Variants in LTA4H observed in about 807,000 individuals in gnomAD.
LTA4H encodes the protein leukotriene A4 hydrolase.
A neutral mutation model predicts 89.8 loss-of-function variants in LTA4H; 59 were observed. That is an observed-to-expected ratio of 0.66 (90% CI 0.53 to 0.82). The LOEUF is 0.82. Among genes scored for constraint, LTA4H ranks in the 40% least tolerant of loss-of-function variants. The probability of loss-of-function intolerance (pLI) is 0.00; values close to 1 mark genes in which losing one functional copy is unlikely to be tolerated. For missense variants in LTA4H, 617 were observed against 727.0 expected (o/e 0.85, Z 1.74); for synonymous variants, 227 against 253.1 (o/e 0.90, Z 0.98).
intron 1 of LTA4H, among the ~76,000 whole-genome samples, chr12:96,042,423 T>C (rs1950694813): frequency 6.6e-6 from 1 of 151,918 alleles, no homozygotes; most frequent in South Asian, 2.1e-4. Flanking sequence ...AGGCCTTTCC[T>C]GAACCTTAAA....
intron 16 of LTA4H, 144 bp downstream of exon 16, chr12:96,006,170 C>T (rs1286504333): frequency 5.6e-6 from 3 of 535,628 alleles, no homozygotes; most frequent in East Asian, 2.9e-5. Flanking sequence ...GCATTCAATG[C>T]TTTTTTAAAG....
intron 3 of LTA4H, chr12:96,025,405 G>A (rs1950502526): frequency 1.3e-5 from 2 of 152,202 alleles, no homozygotes; most frequent in Non-Finnish European, 2.9e-5. Flanking sequence ...AGCAAACCTT[G>A]TAAGTAAAAC....
chr12:96,030,307 T>C (rs867406057), intron 1 of LTA4H, among the ~76,000 whole-genome samples: 6 of 152,202 alleles, frequency 3.9e-5, no homozygotes, highest in Admixed American at 6.5e-5. Context: ...TGCCATATCC[T>C]TCACTCCCTA....
upstream of LTA4H, among the ~76,000 whole-genome samples, chr12:96,037,050 C>T (rs1463367683): frequency 6.6e-6 from 1 of 152,258 alleles, no homozygotes; most frequent in East Asian, 1.9e-4. Context: ...CACCTCCCAC[C>T]AGGCCCTACC....
At chr12:96,010,835 T>G (rs1340450795) in intron 14 of LTA4H, 2 of 152,182 alleles carry the variant, frequency 1.3e-5, no homozygotes, top group Non-Finnish European at 2.9e-5. Flanking sequence ...TGTGAAGATG[T>G]GATACTGAAC....
chr12:96,013,956 A>T, intron 12 of LTA4H, 103 bp from the exon 13 acceptor site: 1 of 592,278 alleles, frequency 1.7e-6, no homozygotes, highest in East Asian at 2.9e-5. Context: ...AACAGAGAAC[A>T]TTCAGAGAAT....
chr12:96,014,047 T>C (rs919534619), intron 12 of LTA4H, 194 bp from the exon 13 acceptor site: 1 of 459,886 alleles, frequency 2.2e-6, no homozygotes, highest in Non-Finnish European at 3.8e-6. Flanking sequence ...GAAGAATATA[T>C]GTAATTCAGT....
chr12:96,035,506 A>G lies in LTA4H; in HGVS notation c.14T>C (p.Val5Ala). Reference protein sequence around the residue: MPEIVDTCSLASPAS... With the variant: MPEIADTCSLASPAS... ...CGGAGAGGCCAACGAACAGGTATCCACTATCTCGGGCATGGCTCTGGGGGA... is the reference window on the plus strand; with the variant it reads ...CGGAGAGGCCAACGAACAGGTATCCGCTATCTCGGGCATGGCTCTGGGGGA... The change falls in exon 1 of 19, where the codon GTG (valine) becomes GCG (alanine). Residue 5 changes from valine to alanine, a missense_variant. Transcript: ENST00000228740. 3 of 1,606,410 alleles carry G rather than the reference A, an allele frequency of 1.9e-6. No individual in the cohort carries two copies. The highest frequency in any genetic ancestry group is 2.6e-6 in the Non-Finnish European group (3 of 1,176,436).
upstream of LTA4H, among the ~76,000 whole-genome samples, chr12:96,040,332 A>G (rs1228250140): frequency 1.3e-5 from 2 of 152,208 alleles, no homozygotes; most frequent in African/African-American, 2.4e-5. Context: ...CTGGCATGAT[A>G]GAGATCATTA....
Position 96,001,024 on chromosome 12 carries a change from C to T in LTA4H, c.1801G>A (p.Ala601Thr), listed in dbSNP as rs760949724. 1 of 1,613,844 alleles carries T rather than the reference C, an allele frequency of 6.2e-7. No homozygotes were observed. The highest frequency in any genetic ancestry group is 1.7e-5 in the Admixed American group (1 of 60,018). Reference protein sequence around the residue: ...EHKASMHPVTAMLVGKDLKVD With the variant: ...EHKASMHPVTTMLVGKDLKVD ...TTTAAGTCTTTCCCCACCAGCATTG[C>T]AGTCACGGGATGCATGCTTGCTTTG... Residue 601 changes from alanine (A) to threonine (T), a missense_variant, in exon 19 of 19, where the codon GCA (alanine) becomes ACA (threonine). This residue lies in a region of LTA4H where 290 missense variants were observed against 339.1 expected (regional missense o/e 0.86). Coordinates refer to ENST00000228740, the MANE Select transcript of LTA4H (RefSeq NM_000895.3).
chr12:96,040,841 G>C (rs536623368), intron 1 of LTA4H, among the ~76,000 whole-genome samples: 1 of 152,346 alleles, frequency 6.6e-6, no homozygotes, highest in African/African-American at 2.4e-5. Flanking sequence ...GGTCTCAGTT[G>C]GGTGAGTTTA....
At chr12:96,031,395 T>C (rs903720696) in intron 1 of LTA4H, among the ~76,000 whole-genome samples, 1 of 152,190 alleles carries the variant, frequency 6.6e-6, no homozygotes, top group African/African-American at 2.4e-5. Flanking sequence ...TGCAAACTAC[T>C]TTTTAAAATT....
At chr12:96,025,025 C>T (rs544020033) in intron 3 of LTA4H, among the ~76,000 whole-genome samples, 1 of 152,258 alleles carries the variant, frequency 6.6e-6, no homozygotes, top group African/African-American at 2.4e-5. Context: ...ATCAGATTTT[C>T]CATTTTAATC....
chr12:96,004,644 T>A lies in LTA4H; in HGVS notation c.1531-724A>T, dbSNP rs575259008. Among the ~76,000 whole-genome samples, 4 of 152,302 alleles carry A rather than the reference T, an allele frequency of 2.6e-5. No individual in the cohort carries two copies. In the South Asian group the frequency reaches 8.3e-4, roughly 32 times the overall value. On this transcript the variant is annotated intron_variant, in intron 16 of 18. Coordinates refer to ENST00000228740, the MANE Select transcript of LTA4H (RefSeq NM_000895.3). ...AGAGGCAGAGGTGCCTCTAGGTAGATGATAACTCTCCCCTCCAACCACGAC... is the reference window on the plus strand; with the variant it reads ...AGAGGCAGAGGTGCCTCTAGGTAGAAGATAACTCTCCCCTCCAACCACGAC...
At chr12:96,038,920 A>G (rs1158592023), upstream of LTA4H, among the ~76,000 whole-genome samples, 2 of 151,586 alleles carry the variant, frequency 1.3e-5, no homozygotes, top group Non-Finnish European at 2.9e-5. Flanking sequence ...AAATTCCTCC[A>G]TTAATATATT....
At chr12:96,006,840 C>T (rs1230508136) in intron 15 of LTA4H, among the ~76,000 whole-genome samples, 1 of 152,030 alleles carries the variant, frequency 6.6e-6, no homozygotes, top group Non-Finnish European at 1.5e-5. Context: ...CCTCCATCCC[C>T]ACATATTCTG....
At chr12:96,017,754 T>G (rs1009558994) in intron 8 of LTA4H, among the ~76,000 whole-genome samples, 174 bp from the exon 9 acceptor site, 2 of 152,206 alleles carry the variant, frequency 1.3e-5, no homozygotes, top group Non-Finnish European at 2.9e-5. Flanking sequence ...AATACAGAAC[T>G]AAAAATTAGC....
intron 4 of LTA4H, 27 bp downstream of exon 4, chr12:96,024,452 A>G: frequency 7.3e-7 from 1 of 1,360,820 alleles, no homozygotes; most frequent in Non-Finnish European, 1.1e-6. Context: ...GCATCATTTA[A>G]TTGAGTTAAT....
chr12:96,017,669 C>A, intron 8 of LTA4H, 89 bp from the exon 9 acceptor site: 1 of 854,128 alleles, frequency 1.2e-6, no homozygotes, highest in East Asian at 2.6e-5. Flanking sequence ...AGCATACTGG[C>A]ACTGGTGATC....
Sources: gnomAD v4.1 joint callset for allele counts (sites outside exome capture counted in the v4.1 genomes callset) on GRCh38, gnomAD v4.1.1 for gene constraint, gnomAD v4.1.1 regional missense constraint, MANE v1.5 for transcripts, NCBI Gene and HGNC (gene_info 2026-07-23, HGNC 2026-07-21) for gene names.